Variants in B4GALT5 observed in about 807,000 individuals in gnomAD.
B4GALT5 encodes UDP-Gal:beta-GlcNAc beta-1,4-galactosyltransferase 5.
A neutral mutation model predicts 45.0 loss-of-function variants in B4GALT5; 11 were observed. That is an observed-to-expected ratio of 0.24 (90% confidence interval 0.15 to 0.40). The LOEUF is 0.40. Among genes scored for constraint, B4GALT5 ranks in the 10% least tolerant of loss-of-function variants. The pLI, the probability that B4GALT5 is intolerant of heterozygous loss-of-function variation, is 1.00. For synonymous variants in B4GALT5, 185 were observed against 182.9 expected, an observed-to-expected ratio of 1.01 and a Z score of -0.09; for missense variants, 337 against 500.2, an observed-to-expected ratio of 0.67 and a Z score of 3.11.
At chr20:49,661,081 T>A (rs529952246) in intron 1 of B4GALT5, among the ~76,000 whole-genome samples, 3 of 152,302 alleles carry the variant, frequency 2.0e-5, no homozygotes, top group African/African-American at 7.2e-5. Context: ...AAAATTCACA[T>A]CTCTGTGAAG....
chr20:49,665,977 T>C (rs185685179), intron 1 of B4GALT5, among the ~76,000 whole-genome samples: 191 of 152,154 alleles, frequency 1.3e-3, no homozygotes, highest in African/African-American at 4.4e-3. Context: ...GCGAAAGGGC[T>C]TCACGCACTA....
intron 5 of B4GALT5, 43 bp downstream of exon 5, chr20:49,642,425 G>T: frequency 6.9e-7 from 1 of 1,441,268 alleles, no homozygotes; most frequent in Non-Finnish European, 9.7e-7. Flanking sequence ...CTAAACTGCT[G>T]TCTCAGAAGA....
intron 2 of B4GALT5, among the ~76,000 whole-genome samples, chr20:49,651,663 T>C (rs1039228339): frequency 3.3e-5 from 5 of 152,154 alleles, no homozygotes; most frequent in African/African-American, 1.2e-4. Context: ...AAATGGCTAC[T>C]GATATCATGG....
In B4GALT5 at chr20:49,636,109, A is replaced by C; in HGVS notation, c.*203T>G. The C allele has an allele frequency of 1.6e-6, 1 of 635,704 alleles. No individual in the cohort carries two copies. Among genetic ancestry groups the C allele is most frequent in the Non-Finnish European group, 2.7e-6 (1 of 375,084 alleles). 39.4% of individuals were successfully genotyped at this position (635,704 alleles called of 1,614,324 possible). On this transcript the variant is annotated 3_prime_UTR_variant, in exon 9 of 9. Transcript: ENST00000371711. ...CCAGTGCTGACGAAGGAAGTCCCCA[A>C]GCTCACTCCCTCAGTTCCAGCGGCT...
chr20:49,641,811 A>T lies in B4GALT5; in HGVS notation c.606+657T>A, dbSNP rs2085578025. Among the ~76,000 whole-genome samples the T allele has an allele frequency of 2.0e-5, 3 of 152,316 alleles. No homozygotes were observed. In the South Asian group the frequency reaches 6.2e-4, roughly 32 times the overall value. On this transcript the variant is annotated intron_variant, in intron 5 of 8. Transcript: ENST00000371711. ...ATATAGCACCTCTAGTTCAAGGATC[A>T]CATACTTCAAAATGCCTACAGAAGC...
intron 1 of B4GALT5, among the ~76,000 whole-genome samples, chr20:49,712,975 G>A (rs899948277): frequency 2.0e-5 from 3 of 151,638 alleles, no homozygotes; most frequent in South Asian, 2.1e-4. Flanking sequence ...GTGAACGTGA[G>A]TTAGGGAGGA....
chr20:49,637,893 G>C (rs926067090), intron 7 of B4GALT5, among the ~76,000 whole-genome samples: 1 of 152,040 alleles, frequency 6.6e-6, no homozygotes, highest in Middle Eastern at 3.2e-3. Context: ...GAGCAAAATT[G>C]CACCAGCTTG....
At chr20:49,665,862 G>T (rs978015843) in intron 1 of B4GALT5, among the ~76,000 whole-genome samples, 2 of 151,746 alleles carry the variant, frequency 1.3e-5, no homozygotes, top group African/African-American at 4.8e-5. Context: ...GAGCCATCCA[G>T]GGGGAAATAC....
Position 49,636,541 on chromosome 20 carries a change from C to T in B4GALT5, c.1020-82G>A, listed in dbSNP as rs45473593. On this transcript the variant is annotated intron_variant, in intron 8 of 8. Transcript: ENST00000371711. ...AGCCAGAGGATGGAGCAGGGCGTCC[C>T]ACAGCAGAGGACGCAACCCATGGCA... 7.5e-4 allele frequency: 1,121 copies of T among 1,495,990 alleles called. 4 individuals carry two copies. In the African/African-American group the frequency reaches 0.011, roughly 15 times the overall value. The allele number at this position is 1,495,990 out of a possible 1,614,324, so 92.7% of individuals were successfully genotyped here.
intron 5 of B4GALT5, 118 bp from the exon 6 acceptor site, chr20:49,640,783 A>G: frequency 1.0e-6 from 1 of 993,876 alleles, no homozygotes; most frequent in South Asian, 1.8e-5. Context: ...GGCTAGTGTA[A>G]CCAGGTCCAA....
At chr20:49,698,695 A>G (rs768867184) in intron 1 of B4GALT5, among the ~76,000 whole-genome samples, 4 of 152,082 alleles carry the variant, frequency 2.6e-5, no homozygotes, top group African/African-American at 4.8e-5. Flanking sequence ...CACACCTCCT[A>G]GTCATCCAGG....
chr20:49,682,022 T>C (rs931258846), intron 1 of B4GALT5, among the ~76,000 whole-genome samples: 5 of 152,318 alleles, frequency 3.3e-5, no homozygotes, highest in African/African-American at 9.6e-5. Context: ...TTTGAGCCTT[T>C]GAGGTTGAGG....
intron 6 of B4GALT5, 70 bp downstream of exon 6, chr20:49,640,407 AG>A (rs1374439456): frequency 1.4e-6 from 2 of 1,385,050 alleles, no homozygotes; most frequent in African/African-American, 2.9e-5. Flanking sequence ...GCAGCTAATT[AG>A]ATTTCCTTTT....
chr20:49,675,926 C>T lies in B4GALT5; in HGVS notation c.116-19224G>A, dbSNP rs190561677. ...AGTGACTTCATCTTTACAGCTGGGT[C>T]GCTGCACTATGAGGCTACACTAAAA... On this transcript the variant is annotated intron_variant, in intron 1 of 8. Coordinates refer to ENST00000371711, the MANE Select transcript of B4GALT5 (RefSeq NM_004776.4). Among the ~76,000 whole-genome samples, 11 of 152,200 alleles carry T rather than the reference C, an allele frequency of 7.2e-5. No individual in the cohort carries two copies. In the East Asian group the frequency reaches 2.1e-3, roughly 29 times the overall value.
chr20:49,656,213 GCTTCCC>G (rs2085642371), intron 2 of B4GALT5, among the ~76,000 whole-genome samples: 3 of 152,066 alleles, frequency 2.0e-5, no homozygotes, highest in Non-Finnish European at 2.9e-5. Flanking sequence ...ATACACACAG[GCTTCCC>G]CTTCCCCTTC....
Position 49,637,374 on chromosome 20 carries a change from T to G in B4GALT5, c.986A>C (p.His329Pro). 6.2e-7 allele frequency: 1 copy of G among 1,614,046 alleles called. No individual in the cohort carries two copies. Among genetic ancestry groups the G allele is most frequent in the South Asian group, 1.1e-5 (1 of 91,058 alleles). The change falls in exon 8 of 9, where the codon CAT becomes CCT. Residue 329 changes from histidine (H) to proline (P), a missense_variant. His to Pro is a moderately conservative substitution (Grantham distance 77). Around this residue, in one of 2 missense-constraint regions of B4GALT5, gnomAD observed 163 missense variants for 292.8 expected, o/e 0.56. Coordinates refer to ENST00000371711, the MANE Select transcript of B4GALT5 (RefSeq NM_004776.4). Reference protein sequence around the residue: ...GDTGKYKSIPHHHRGEVQFLG... With the variant: ...GDTGKYKSIPPHHRGEVQFLG... ...AAACTGGACTTCTCCTCGATGGTGA[T>G]GAGGAATGGACTTGTACTTTCCTGT...
chr20:49,640,749 A>G (rs2085573669), intron 5 of B4GALT5, 84 bp from the exon 6 acceptor site: 1 of 1,357,118 alleles, frequency 7.4e-7, no homozygotes, highest in Non-Finnish European at 9.8e-7. Context: ...CGAGTTTATT[A>G]GAACCAACTG....
chr20:49,662,340 A>T (rs1212126104), intron 1 of B4GALT5, among the ~76,000 whole-genome samples: 2 of 152,134 alleles, frequency 1.3e-5, no homozygotes, highest in Non-Finnish European at 2.9e-5. Context: ...AACATACAAC[A>T]TATTTTAAAA....
chr20:49,692,611 C>T (rs1218917172), intron 1 of B4GALT5, among the ~76,000 whole-genome samples: 2 of 152,226 alleles, frequency 1.3e-5, no homozygotes, highest in East Asian at 3.8e-4. Context: ...GTAGTGCTGG[C>T]ATTGCCTAGG....
Sources: gnomAD v4.1 joint callset for allele counts (sites outside exome capture counted in the v4.1 genomes callset) on GRCh38, gnomAD v4.1.1 for gene constraint, gnomAD v4.1.1 regional missense constraint, MANE v1.5 for transcripts, NCBI Gene and HGNC (gene_info 2026-07-23, HGNC 2026-07-21) for gene names.